Variants in HEY2 observed in about 807,000 individuals in gnomAD.
HEY2 encodes the protein hes related family bHLH transcription factor with YRPW motif 2.
In HEY2, 10 loss-of-function variants were observed where a neutral mutation model predicts 18.1. The ratio of observed to expected loss-of-function variants is 0.55; its 90% CI spans 0.34 to 0.94. The LOEUF (loss-of-function observed/expected upper bound fraction) is 0.94. HEY2 is among the 40% of genes least tolerant of loss of function. The pLI is 0.02. For missense variants in HEY2, 455 were observed against 455.9 expected (o/e 1.00, Z 0.02); for synonymous variants, 210 against 182.7 (o/e 1.15, Z -1.21).
At chr6:125,755,651 G>C (rs190385446) in intron 4 of HEY2, among the ~76,000 whole-genome samples, 2 of 152,176 alleles carry the variant, frequency 1.3e-5, no homozygotes, top group African/African-American at 2.4e-5. Flanking sequence ...TTTTTCCTGC[G>C]TCTAGTAGGG....
At chr6:125,757,258 C>T (rs1482390274) in intron 4 of HEY2, among the ~76,000 whole-genome samples, 1 of 152,200 alleles carries the variant, frequency 6.6e-6, no homozygotes, top group East Asian at 1.9e-4. Flanking sequence ...GTCTGCAAAG[C>T]CCTACAGAAC....
In HEY2 at chr6:125,751,890, T is replaced by C. The variant is rs1562705173; in HGVS notation, c.162+11T>C. The C allele has an allele frequency of 1.2e-6, 2 of 1,605,618 alleles. No homozygotes were observed. The highest frequency in any genetic ancestry group is 1.7e-6 in the Non-Finnish European group (2 of 1,172,820). On this transcript the variant is annotated intron_variant, in intron 2 of 4. Coordinates refer to ENST00000368364, the MANE Select transcript of HEY2 (RefSeq NM_012259.3). ...AAGAAAAGGAGAGGGGTATGTGATT[T>C]TTCCCCCTTTTTATTTCATGTAACT...
In HEY2 at chr6:125,759,519, G is replaced by GCAGCGTCGC; in HGVS notation, c.733_741dup (p.Ser245_Ala247dup). ...TCAGCCCTCCGAATGCCATCCACGGGCAGCGTCGCCCCCTGCGTGCCACCT... is the reference window on the plus strand; with the variant it reads ...TCAGCCCTCCGAATGCCATCCACGGGCAGCGTCGCCAGCGTCGCCCCCTGCGTGCCACCT... On this transcript the variant is annotated inframe_insertion, in exon 5 of 5. Coordinates refer to ENST00000368364, the MANE Select transcript of HEY2 (RefSeq NM_012259.3). 1 of 1,611,018 alleles carries GCAGCGTCGC rather than the reference G, an allele frequency of 6.2e-7. No homozygotes were observed. Among genetic ancestry groups the GCAGCGTCGC allele is most frequent in the South Asian group, 1.1e-5 (1 of 91,084 alleles).
At chr6:125,756,139 A>C (rs1460236043) in intron 4 of HEY2, among the ~76,000 whole-genome samples, 1 of 152,224 alleles carries the variant, frequency 6.6e-6, no homozygotes, top group Non-Finnish European at 1.5e-5. Context: ...CTTGGTTGCT[A>C]TTCTTGGCCA....
rs1773522879 is a variant in HEY2 at position 125,750,461 on chromosome 6, G to A, written c.83+602G>A. 4.3e-6 allele frequency: 4 copies of A among 931,166 alleles called. No homozygotes were observed. The South Asian group carries it at 1.5e-4, about 34-fold the overall frequency. The allele number at this position is 931,166 out of a possible 1,614,324, so 57.7% of individuals were successfully genotyped here. A position where few individuals can be genotyped will look rare whatever the true frequency, so the allele number is the denominator to read the frequency against. On this transcript the variant is annotated intron_variant, in intron 1 of 4. Coordinates refer to ENST00000368364, the MANE Select transcript of HEY2 (RefSeq NM_012259.3). ...AGAGATCGGCGTCGTAATCACAGAA[G>A]CCAGACCTCCACTTTCCTGTGACAG...
rs541020763 is a variant in HEY2 at position 125,761,145 on chromosome 6, CA to C, written c.*1347del. ...CATTATGAGAATGTTAAACGTTATG[CA>C]AAATTATACTTTTAAATATTTGTTT... On this transcript the variant is annotated 3_prime_UTR_variant, in exon 5 of 5. Coordinates refer to ENST00000368364, the MANE Select transcript of HEY2 (RefSeq NM_012259.3). 1.2e-3 allele frequency: 180 copies of C among 152,722 alleles called. No individual in the cohort carries two copies. Among genetic ancestry groups the C allele is most frequent in the African/African-American group, 4.3e-3 (177 of 41,568 alleles). 9.5% of individuals were successfully genotyped at this position (152,722 alleles called of 1,614,324 possible).
At chr6:125,755,904 GC>G (rs1236724996) in intron 4 of HEY2, among the ~76,000 whole-genome samples, 1 of 152,206 alleles carries the variant, frequency 6.6e-6, no homozygotes, top group Non-Finnish European at 1.5e-5. Flanking sequence ...AGCGCCAAGG[GC>G]CCCTGCAGCT....
intron 1 of HEY2, chr6:125,750,232 T>C (rs1773515809): frequency 1.0e-6 from 1 of 984,410 alleles, no homozygotes; most frequent in Non-Finnish European, 1.2e-6. Context: ...CAGGAGAAAA[T>C]AAAAACAATT....
rs751639135 is a variant in HEY2 at position 125,759,160 on chromosome 6, A to C, written c.372A>C (p.Ile124=). Residue 124 remains isoleucine (I), a synonymous_variant, in exon 5 of 5, where the codon ATA becomes ATC. Transcript: ENST00000368364. ...CTCTTGCCATGGACTTCATGAGCAT[A>C]GGATTCCGAGAGTGCCTAACAGAAG... ...AHALAMDFMS[I]GFRECLTEVA... 6.2e-7 allele frequency: 1 copy of C among 1,612,588 alleles called. No individual in the cohort carries two copies. Among genetic ancestry groups the C allele is most frequent in the Non-Finnish European group, 8.5e-7 (1 of 1,179,314 alleles).
At chr6:125,756,502 G>A (rs939372754) in intron 4 of HEY2, among the ~76,000 whole-genome samples, 13 of 152,126 alleles carry the variant, frequency 8.5e-5, no homozygotes, top group African/African-American at 3.1e-4. Context: ...GGGAGGCAGA[G>A]GTTGTGGTGA....
chr6:125,750,158 C>T (rs1327010371), intron 1 of HEY2: 55 of 746,820 alleles, frequency 7.4e-5, no homozygotes, highest in Non-Finnish European at 8.2e-5. Context: ...CGAACGGCAG[C>T]GTCTGGGCGA....
At chr6:125,751,656 G>A (rs890246794) in intron 1 of HEY2, 145 bp from the exon 2 acceptor site, 19 of 540,772 alleles carry the variant, frequency 3.5e-5, no homozygotes, top group South Asian at 2.6e-4. Flanking sequence ...AGCAAAGTCC[G>A]TTAAGAGTGA....
chr6:125,758,820 C>T (rs1461243095), intron 4 of HEY2, among the ~76,000 whole-genome samples: 1 of 152,166 alleles, frequency 6.6e-6, no homozygotes, highest in Admixed American at 6.5e-5. Context: ...GTTTGAAACG[C>T]GGATGTTCTT....
intron 4 of HEY2, among the ~76,000 whole-genome samples, chr6:125,754,915 G>C (rs1311471103): frequency 6.6e-6 from 1 of 152,150 alleles, no homozygotes; most frequent in East Asian, 1.9e-4. Context: ...GGAGGTTAGA[G>C]GTAATCCTTT....
At position 125,760,482 on chromosome 6, in the gene HEY2, A is replaced by G; in HGVS notation, c.*680A>G. 1 of 152,238 alleles carries G rather than the reference A, an allele frequency of 6.6e-6. No individual in the cohort carries two copies. The highest frequency in any genetic ancestry group is 1.9e-4 in the East Asian group (1 of 5,196). 9.4% of individuals were successfully genotyped at this position (152,238 alleles called of 1,614,324 possible). A position where few individuals can be genotyped will look rare whatever the true frequency, so the allele number is the denominator to read the frequency against. On this transcript the variant is annotated 3_prime_UTR_variant, in exon 5 of 5. Transcript: ENST00000368364. ...TGACATTTAGCAGTGCATTGGTATAAGCAATTATTTCATCAGTTCTCAGAT... is the reference window on the plus strand; with the variant it reads ...TGACATTTAGCAGTGCATTGGTATAGGCAATTATTTCATCAGTTCTCAGAT...
At position 125,759,946 on chromosome 6, in the gene HEY2, A is replaced by G; in HGVS notation, c.*144A>G. On this transcript the variant is annotated 3_prime_UTR_variant, in exon 5 of 5. Transcript: ENST00000368364. ...AGCTATTTGAGACACAAACCTCACG[A>G]GTGGAAATGTGGTATTCTCTTTTTT... 1.4e-6 allele frequency: 1 copy of G among 696,672 alleles called. No individual in the cohort carries two copies. The highest frequency in any genetic ancestry group is 2.4e-6 in the Non-Finnish European group (1 of 423,970). The allele number at this position is 696,672 out of a possible 1,614,324, so 43.2% of individuals were successfully genotyped here.
At chr6:125,758,973 C>A in intron 4 of HEY2, 144 bp from the exon 5 acceptor site, 4 of 590,402 alleles carry the variant, frequency 6.8e-6, no homozygotes, top group Non-Finnish European at 1.1e-5. Context: ...GCAATATTTC[C>A]AGAAAGGATT....
chr6:125,759,292 C>T lies in HEY2; in HGVS notation c.504C>T (p.Ala168=). Residue 168 remains alanine, a synonymous_variant, in exon 5 of 5, where the codon GCC becomes GCT. Coordinates refer to ENST00000368364, the MANE Select transcript of HEY2 (RefSeq NM_012259.3). ...STCATQREAA[A]MTSSMAHHHH... ...GCGCCACCCAGCGGGAGGCGGCGGCCATGACATCCTCCATGGCCCACCACC... is the reference window on the plus strand; with the variant it reads ...GCGCCACCCAGCGGGAGGCGGCGGCTATGACATCCTCCATGGCCCACCACC... The T allele has an allele frequency of 6.2e-7, 1 of 1,606,162 alleles. No homozygotes were observed.
At chr6:125,753,597 A>T (rs1388835173) in intron 3 of HEY2, among the ~76,000 whole-genome samples, 2 of 152,182 alleles carry the variant, frequency 1.3e-5, no homozygotes, top group African/African-American at 2.4e-5. Context: ...ATTGGTAATT[A>T]TTTAGCTCTT....
Sources: allele counts gnomAD v4.1 joint callset (sites outside exome capture counted in the v4.1 genomes callset), GRCh38; gene constraint gnomAD v4.1.1; transcripts MANE v1.5; gene names NCBI Gene and HGNC (gene_info 2026-07-23, HGNC 2026-07-21).